Variants in NIBAN2 observed in about 807,000 individuals in gnomAD.
NIBAN2 encodes protein Niban 2.
Under a neutral mutation model 81.8 loss-of-function variants are expected in NIBAN2, and 36 were observed. That is an observed-to-expected ratio of 0.44 (90% CI 0.34 to 0.58). NIBAN2 has a LOEUF of 0.58. NIBAN2 is among the 20% of genes least tolerant of loss of function. The probability of loss-of-function intolerance (pLI) is 0.02; values close to 1 mark genes in which losing one functional copy is unlikely to be tolerated. For missense variants in NIBAN2, 897 were observed against 1,014.1 expected (o/e 0.88, Z 1.57); for synonymous variants, 445 against 441.6 (o/e 1.01, Z -0.10).
chr9:127,507,876 T>C lies in NIBAN2; in HGVS notation c.1645A>G (p.Ile549Val). The C allele has an allele frequency of 6.2e-7, 1 of 1,614,028 alleles. No individual in the cohort carries two copies. The highest frequency in any genetic ancestry group is 8.5e-7 in the Non-Finnish European group (1 of 1,179,920). The change falls in exon 13 of 14, where the codon ATC (isoleucine) becomes GTC (valine). Residue 549 changes from isoleucine to valine, a missense_variant. Transcript: ENST00000373312. This position sits in a 1 kb window ranked among gnomAD's most constrained non-coding sequence, Gnocchi z 6.8. Reference protein sequence around the residue: ...EVVLQTVMKDILQAVKEAAVQ... With the variant: ...EVVLQTVMKDVLQAVKEAAVQ... ...CCGGGACGGCACCCACCCTGCAGGA[T>C]GTCCTTCATGACGGTCTGCAGCACC... is the stretch of plus-strand genomic sequence containing the variant.
At chr9:127,527,022 A>G (rs1356433380) in intron 3 of NIBAN2, among the ~76,000 whole-genome samples, 172 bp downstream of exon 3, 1 of 152,112 alleles carries the variant, frequency 6.6e-6, no homozygotes, top group African/African-American at 2.4e-5. Flanking sequence ...CAGAGAGGGC[A>G]CCCAGGGCAG....
intron 5 of NIBAN2, among the ~76,000 whole-genome samples, chr9:127,520,835 G>T (rs1377325298): frequency 6.6e-6 from 1 of 152,096 alleles, no homozygotes; most frequent in African/African-American, 2.4e-5. Context: ...AGTGAGCCGA[G>T]ATTGCGCCAC....
At chr9:127,528,133 A>G (rs145951409) in intron 2 of NIBAN2, among the ~76,000 whole-genome samples, 1 of 152,306 alleles carries the variant, frequency 6.6e-6, no homozygotes, top group African/African-American at 2.4e-5. Flanking sequence ...GACCGCCATG[A>G]CCACTACGGT....
chr9:127,547,930 C>A (rs900235091), intron 1 of NIBAN2, among the ~76,000 whole-genome samples: 1 of 152,234 alleles, frequency 6.6e-6, no homozygotes, highest in African/African-American at 2.4e-5. Context: ...AATAAACCCA[C>A]AGAGCCTGGG....
At position 127,559,067 on chromosome 9, in the gene NIBAN2, C is replaced by T. The variant is rs373563781; in HGVS notation, c.55+9753G>A. On this transcript the variant is annotated intron_variant, in intron 1 of 13. Transcript: ENST00000373312. This position sits in a 1 kb window ranked among gnomAD's most constrained non-coding sequence, Gnocchi z 4.0. ...AGACACGCTGCCTCTTGAGATGGGC[C>T]GACTGAGTGCTGAAACCAACATACA... is the stretch of plus-strand genomic sequence containing the variant. 7.2e-5 allele frequency among the ~76,000 whole-genome samples: 11 copies of T among 152,308 alleles called. No individual in the cohort carries two copies. Among genetic ancestry groups the T allele is most frequent in the South Asian group, 4.1e-4 (2 of 4,822 alleles).
chr9:127,516,969 G>T lies in NIBAN2; in HGVS notation c.861C>A (p.Phe287Leu), dbSNP rs756382989. The T allele has an allele frequency of 1.2e-6, 2 of 1,614,054 alleles. No individual in the cohort carries two copies. The highest frequency in any genetic ancestry group is 2.2e-5 in the South Asian group (2 of 91,076). The change falls in exon 8 of 14, where the codon TTC becomes TTA. Residue 287 changes from phenylalanine to leucine, a missense_variant. Phe to Leu is a conservative substitution (Grantham distance 22). This residue lies in a region of NIBAN2 where 619 missense variants were observed against 691.0 expected (regional missense o/e 0.90). Transcript: ENST00000373312. ...HMVYEQAKAR[F>L]EEVLSKVQQV... ...GCTGCACCTTGGACAGCACCTCCTCGAAGCGCGCCTTGGCCTGCTCGTACA... is the reference window on the plus strand; with the variant it reads ...GCTGCACCTTGGACAGCACCTCCTCTAAGCGCGCCTTGGCCTGCTCGTACA...
At chr9:127,510,410 AG>A (rs1488587174) in intron 8 of NIBAN2, 77 bp from the exon 9 acceptor site, 2 of 1,050,858 alleles carry the variant, frequency 1.9e-6, no homozygotes, top group African/African-American at 3.2e-5. Flanking sequence ...CAGGTGCTGG[AG>A]GCTACTGTAT....
At position 127,551,117 on chromosome 9, in the gene NIBAN2, G is replaced by A. The variant is rs78407932; in HGVS notation, c.55+17703C>T. On this transcript the variant is annotated intron_variant, in intron 1 of 13. Coordinates refer to ENST00000373312, the MANE Select transcript of NIBAN2 (RefSeq NM_022833.4). ...TGAAAAAAAACTACCGGCTAGGTGCGGTGGCTCATGTCTGTAATCCCAACA... is the reference window on the plus strand; with the variant it reads ...TGAAAAAAAACTACCGGCTAGGTGCAGTGGCTCATGTCTGTAATCCCAACA... Among the ~76,000 whole-genome samples, 1,283 of 152,286 alleles carry A rather than the reference G, an allele frequency of 8.4e-3. 17 individuals are homozygous for A. The highest frequency in any genetic ancestry group is 0.065 in the East Asian group (339 of 5,182).
At chr9:127,560,145 T>C (rs1837744980) in intron 1 of NIBAN2, among the ~76,000 whole-genome samples, 1 of 152,156 alleles carries the variant, frequency 6.6e-6, no homozygotes, top group Non-Finnish European at 1.5e-5. Flanking sequence ...AGGACTGAGT[T>C]TCCTGTCACT....
In NIBAN2 at chr9:127,508,889, G is replaced by T. The variant is rs973971935; in HGVS notation, c.1317+87C>A. 2 of 1,467,464 alleles carry T rather than the reference G, an allele frequency of 1.4e-6. No homozygotes were observed. Among genetic ancestry groups the T allele is most frequent in the Non-Finnish European group, 1.9e-6 (2 of 1,054,172 alleles). The allele number at this position is 1,467,464 out of a possible 1,614,324, so 90.9% of individuals were successfully genotyped here. ...GGCAAGCGTGGCTATGGCATGACGGGACGGAGCAGAAGGGACCCCCTGGGC... is the reference window on the plus strand; with the variant it reads ...GGCAAGCGTGGCTATGGCATGACGGTACGGAGCAGAAGGGACCCCCTGGGC... On this transcript the variant is annotated intron_variant, in intron 10 of 13. Coordinates refer to ENST00000373312, the MANE Select transcript of NIBAN2 (RefSeq NM_022833.4). The surrounding 1 kb of genome is among the most constrained non-coding windows in gnomAD (Gnocchi z 6.4).
chr9:127,522,322 C>T (rs1185368603), intron 5 of NIBAN2, among the ~76,000 whole-genome samples: 1 of 152,164 alleles, frequency 6.6e-6, no homozygotes, highest in Non-Finnish European at 1.5e-5. Flanking sequence ...AGCCCAGAGG[C>T]CATTGGCGCC....
chr9:127,531,909 G>C (rs1417854477), intron 1 of NIBAN2, 131 bp from the exon 2 acceptor site: 1 of 1,206,784 alleles, frequency 8.3e-7, no homozygotes, highest in Non-Finnish European at 1.1e-6. Context: ...GGCTCCTCGC[G>C]CTCATCTGCG....
At chr9:127,547,346 G>A (rs1352385418) in intron 1 of NIBAN2, among the ~76,000 whole-genome samples, 2 of 151,358 alleles carry the variant, frequency 1.3e-5, no homozygotes, top group African/African-American at 2.4e-5. Context: ...GTGAAACACC[G>A]TCTCTACTAA....
At chr9:127,556,025 C>G (rs1275702853) in intron 1 of NIBAN2, among the ~76,000 whole-genome samples, 1 of 151,984 alleles carries the variant, frequency 6.6e-6, no homozygotes, top group Non-Finnish European at 1.5e-5. Flanking sequence ...AGGTGTCCAC[C>G]CCACCCTACC....
At chr9:127,523,654 G>A (rs1434932693) in intron 5 of NIBAN2, 25 bp downstream of exon 5, 10 of 1,591,846 alleles carry the variant, frequency 6.3e-6, no homozygotes, top group African/African-American at 2.7e-5. Flanking sequence ...CCCTCCCACC[G>A]ACCCTGCACC....
rs552200918 is a variant in NIBAN2, at chr9:127,523,963, C to T, written c.422-117G>A. ...GGTCAGGCTCAGGCCCAGAGAAGGC[C>T]AGCCTGTCCCAAGGTGACCAGCAAG... is the stretch of plus-strand genomic sequence containing the variant. On this transcript the variant is annotated intron_variant, in intron 4 of 13. Transcript: ENST00000373312. 1.4e-5 allele frequency: 16 copies of T among 1,142,998 alleles called. No individual in the cohort carries two copies. The South Asian group carries it at 2.3e-4, about 16-fold the overall frequency. The allele number at this position is 1,142,998 out of a possible 1,614,324, so 70.8% of individuals were successfully genotyped here.
chr9:127,531,479 GT>G (rs1837178921), intron 2 of NIBAN2, among the ~76,000 whole-genome samples, 168 bp downstream of exon 2: 1 of 124,178 alleles, frequency 8.1e-6, no homozygotes, highest in African/African-American at 2.9e-5. Context: ...GCGAGACTCT[GT>G]CTCAAAAAAG....
At position 127,510,296 on chromosome 9, in the gene NIBAN2, G is replaced by T; in HGVS notation, c.1011C>A (p.Asn337Lys). Residue 337 changes from asparagine to lysine, a missense_variant, in exon 9 of 14, where the codon AAC becomes AAA. Around this residue, in one of 3 missense-constraint regions of NIBAN2, gnomAD observed 619 missense variants for 691.0 expected, o/e 0.90. Coordinates refer to ENST00000373312, the MANE Select transcript of NIBAN2 (RefSeq NM_022833.4). Reference sequence around the variant, plus strand: ...TGGATGGGATGTAGGGCTGGACATGGTTCCGCACGCACACCTCTGCCTTGG... The same window carrying T: ...TGGATGGGATGTAGGGCTGGACATGTTTCCGCACGCACACCTCTGCCTTGG... ...ILPKAEVCVR[N>K]HVQPYIPSIL... The T allele has an allele frequency of 1.2e-6, 2 of 1,613,830 alleles. No homozygotes were observed. Among genetic ancestry groups the T allele is most frequent in the Non-Finnish European group, 1.7e-6 (2 of 1,179,776 alleles).
chr9:127,538,818 G>A (rs372827438), intron 1 of NIBAN2, among the ~76,000 whole-genome samples: 236 of 151,706 alleles, frequency 1.6e-3, no homozygotes, highest in African/African-American at 5.5e-3. Flanking sequence ...GGTGGTGGGC[G>A]CCTGTAATCC....
Sources: gnomAD v4.1 joint callset for allele counts (sites outside exome capture counted in the v4.1 genomes callset) on GRCh38, gnomAD v4.1.1 for gene constraint, gnomAD v4.1.1 regional missense constraint, Gnocchi (gnomAD v3.1) non-coding constraint, MANE v1.5 for transcripts, NCBI Gene and HGNC (gene_info 2026-07-23, HGNC 2026-07-21) for gene names.